OPN5: variants seen among roughly 807,000 people sequenced by gnomAD.
The protein encoded by OPN5 is opsin-5.
OPN5 carries 18 observed loss-of-function variants against 41.7 expected under a neutral mutation model. The ratio of observed to expected loss-of-function variants is 0.43; its 90% confidence interval spans 0.30 to 0.64. OPN5 has a LOEUF of 0.64. OPN5 is among the 30% of genes least tolerant of loss of function. The pLI, the probability that OPN5 is intolerant of heterozygous loss-of-function variation, is 0.13. For synonymous variants in OPN5, 178 were observed against 164.3 expected (o/e 1.08, Z -0.64); for missense variants, 318 against 434.5 (o/e 0.73, Z 2.38).
chr6:47,807,386 C>T (rs368863883), intron 4 of OPN5, among the ~76,000 whole-genome samples: 24 of 152,066 alleles, frequency 1.6e-4, no homozygotes, highest in African/African-American at 5.3e-4. Flanking sequence ...AGGGGTCAGG[C>T]GGGTAGTTAC....
At chr6:47,783,807 A>G (rs2113944981) in intron 1 of OPN5, among the ~76,000 whole-genome samples, 1 of 152,364 alleles carries the variant, frequency 6.6e-6, no homozygotes, top group Non-Finnish European at 1.5e-5. Context: ...TTCAATTAAC[A>G]GAAAAGGCAG....
chr6:47,825,561 T>G (rs554045804), downstream of OPN5: 9 of 152,316 alleles, frequency 5.9e-5, no homozygotes, highest in African/African-American at 2.2e-4. Context: ...AACATGAGTC[T>G]TCAAGTCAAA....
At chr6:47,788,812 G>GGC (rs386406965) in intron 2 of OPN5, among the ~76,000 whole-genome samples, 1 of 146,964 alleles carries the variant, frequency 6.8e-6, no homozygotes, top group Admixed American at 6.9e-5. Flanking sequence ...ACCTGGGGGG[G>GGC]GGCGGTGGTG....
At chr6:47,817,089 A>G (rs991391378) in intron 6 of OPN5, among the ~76,000 whole-genome samples, 5 of 152,116 alleles carry the variant, frequency 3.3e-5, no homozygotes, top group African/African-American at 7.2e-5. Flanking sequence ...AACTGATGCT[A>G]TGAGACATAT....
At chr6:47,798,359 G>C (rs866130985) in intron 4 of OPN5, among the ~76,000 whole-genome samples, 1 of 151,274 alleles carries the variant, frequency 6.6e-6, no homozygotes, top group Non-Finnish European at 1.5e-5. Flanking sequence ...GCTTTTGAAG[G>C]TCATTATACA....
chr6:47,802,301 G>T (rs1031332328), intron 4 of OPN5, among the ~76,000 whole-genome samples: 9 of 152,046 alleles, frequency 5.9e-5, no homozygotes, highest in Non-Finnish European at 1.0e-4. Flanking sequence ...GTTTTGGGTA[G>T]CATTTCTCTC....
chr6:47,789,740 A>G (rs527280225), intron 2 of OPN5, among the ~76,000 whole-genome samples: 50 of 152,324 alleles, frequency 3.3e-4, no homozygotes, highest in African/African-American at 1.2e-3. Flanking sequence ...GGAACTCCTG[A>G]ATACTTTTGT....
At chr6:47,790,566 A>T (rs1472846079) in intron 2 of OPN5, among the ~76,000 whole-genome samples, 1 of 152,212 alleles carries the variant, frequency 6.6e-6, no homozygotes, top group Non-Finnish European at 1.5e-5. Flanking sequence ...GGGTTTCTTA[A>T]GGACTTTTTA....
intron 1 of OPN5, among the ~76,000 whole-genome samples, chr6:47,784,283 G>A (rs1231586691): frequency 2.9e-5 from 4 of 140,332 alleles, no homozygotes; most frequent in Non-Finnish European, 6.1e-5. Context: ...GAATAGGCTA[G>A]TGTAGATGTT....
At chr6:47,804,109 A>G (rs1773874146) in intron 4 of OPN5, among the ~76,000 whole-genome samples, 1 of 152,212 alleles carries the variant, frequency 6.6e-6, no homozygotes, top group African/African-American at 2.4e-5. Flanking sequence ...ACCAGCTTGA[A>G]CTGGCACTGG....
At chr6:47,801,078 G>A (rs1773752877) in intron 4 of OPN5, among the ~76,000 whole-genome samples, 1 of 152,098 alleles carries the variant, frequency 6.6e-6, no homozygotes. Context: ...TGAGCCATCA[G>A]AGCACTTGGC....
chr6:47,799,923 C>A (rs1450594420), intron 4 of OPN5, among the ~76,000 whole-genome samples: 3 of 151,962 alleles, frequency 2.0e-5, no homozygotes, highest in Non-Finnish European at 4.4e-5. Flanking sequence ...CTTTAAGCCT[C>A]TAATTGTGGA....
At chr6:47,819,859 G>T (rs1393492222) in intron 6 of OPN5, among the ~76,000 whole-genome samples, 2 of 152,140 alleles carry the variant, frequency 1.3e-5, no homozygotes, top group Non-Finnish European at 2.9e-5. Flanking sequence ...ATTAAAGTTT[G>T]TATAAAAGGT....
chr6:47,804,640 G>T (rs139929265), intron 4 of OPN5, among the ~76,000 whole-genome samples: 1 of 152,128 alleles, frequency 6.6e-6, no homozygotes, highest in African/African-American at 2.4e-5. Context: ...TATTAACTTT[G>T]TATTCACTTC....
intron 6 of OPN5, among the ~76,000 whole-genome samples, chr6:47,819,116 G>A (rs1311347705): frequency 6.6e-6 from 1 of 151,848 alleles, no homozygotes; most frequent in Non-Finnish European, 1.5e-5. Flanking sequence ...GGAGGCAGGT[G>A]TGGCTTCTTT....
chr6:47,822,295 T>C (rs922075168), intron 6 of OPN5, among the ~76,000 whole-genome samples: 1 of 152,044 alleles, frequency 6.6e-6, no homozygotes, highest in Non-Finnish European at 1.5e-5. Context: ...ATTTTGGAAG[T>C]AGTTTGGAAA....
chr6:47,823,614 G>T (rs1762704310), intron 6 of OPN5: 3 of 348,414 alleles, frequency 8.6e-6, no homozygotes, highest in Non-Finnish European at 1.6e-5. Flanking sequence ...AGGCAGTACA[G>T]GTGAGTAGGG....
At chr6:47,790,095 T>A (rs889621170) in intron 2 of OPN5, among the ~76,000 whole-genome samples, 13 of 152,084 alleles carry the variant, frequency 8.5e-5, no homozygotes, top group Non-Finnish European at 1.5e-4. Context: ...GAAATAGCTA[T>A]ACCGTATTTG....
chr6:47,790,982 T>C (rs1773352695), intron 2 of OPN5, among the ~76,000 whole-genome samples: 1 of 152,326 alleles, frequency 6.6e-6, no homozygotes. Flanking sequence ...AGGAATCTCA[T>C]GCCTTATACA....
Sources: gnomAD v4.1 joint callset for allele counts (sites outside exome capture counted in the v4.1 genomes callset) on GRCh38, gnomAD v4.1.1 for gene constraint, MANE v1.5 for transcripts, NCBI Gene and HGNC (gene_info 2026-07-23, HGNC 2026-07-21) for gene names.